The following KCNIP4 variants were observed in gnomAD, a reference collection of about 807,000 sequenced individuals.
KCNIP4 encodes potassium voltage-gated channel interacting protein 4, also known as Kv channel-interacting protein 4.
KCNIP4 carries 12 observed loss-of-function variants against 34.0 expected under a neutral mutation model. The ratio of observed to expected loss-of-function variants is 0.35; its 90% CI spans 0.23 to 0.57. The LOEUF (loss-of-function observed/expected upper bound fraction) is 0.57, where lower values mean the gene tolerates loss of function less well. Among genes scored for constraint, KCNIP4 ranks in the 20% least tolerant of loss-of-function variants. The probability of loss-of-function intolerance (pLI) is 0.83; values close to 1 mark genes in which losing one functional copy is unlikely to be tolerated. For missense variants in KCNIP4, 238 were observed against 311.7 expected, an observed-to-expected ratio of 0.76 and a Z score of 1.78; for synonymous variants, 124 against 102.2, an observed-to-expected ratio of 1.21 and a Z score of -1.29.
intron 3 of KCNIP4, among the ~76,000 whole-genome samples, chr4:20,843,094 T>G (rs28421858): frequency 0.018 from 2,800 of 151,790 alleles, 81 homozygotes; most frequent in African/African-American, 0.06. Context: ...TTTTAGTAGA[T>G]ATGGGGTTTC....
At chr4:20,802,220 C>CTATA (rs1290928466) in intron 3 of KCNIP4, among the ~76,000 whole-genome samples, 1 of 56,316 alleles carries the variant, frequency 1.8e-5, no homozygotes, top group East Asian at 8.9e-4. Flanking sequence ...TACATATATG[C>CTATA]TATACATATG....
intron 3 of KCNIP4, among the ~76,000 whole-genome samples, chr4:20,789,189 A>C (rs1712402306): frequency 6.6e-6 from 1 of 151,964 alleles, no homozygotes; most frequent in African/African-American, 2.4e-5. Context: ...CATGTTAAAA[A>C]CTCTATTGCT....
At chr4:21,141,561 A>G (rs1234520571) in intron 1 of KCNIP4, among the ~76,000 whole-genome samples, 2 of 152,210 alleles carry the variant, frequency 1.3e-5, no homozygotes, top group African/African-American at 4.8e-5. Flanking sequence ...TCTGTAGACA[A>G]TGAAATCCCT....
At chr4:20,889,043 G>C (rs545173629) in intron 1 of KCNIP4, among the ~76,000 whole-genome samples, 24 of 152,200 alleles carry the variant, frequency 1.6e-4, no homozygotes, top group African/African-American at 5.8e-4. Context: ...CCCATGTTTA[G>C]TCTTTCACCA....
intron 1 of KCNIP4, among the ~76,000 whole-genome samples, chr4:21,506,540 C>A (rs1291867092): frequency 6.6e-6 from 1 of 152,088 alleles, no homozygotes; most frequent in East Asian, 1.9e-4. Context: ...ACAAAACAAC[C>A]CTGGATATAT....
chr4:20,791,698 T>C (rs1278759628), intron 3 of KCNIP4, among the ~76,000 whole-genome samples: 1 of 152,206 alleles, frequency 6.6e-6, no homozygotes, highest in Admixed American at 6.5e-5. Flanking sequence ...TATGTTAAGT[T>C]TATATGTTAA....
At chr4:21,837,290 T>C (rs1723389013) in intron 1 of KCNIP4, among the ~76,000 whole-genome samples, 1 of 149,570 alleles carries the variant, frequency 6.7e-6, no homozygotes, top group South Asian at 2.1e-4. Context: ...TCCCAGCACT[T>C]TGGGGGGCCA....
At chr4:21,691,222 G>C (rs965129131) in intron 1 of KCNIP4, among the ~76,000 whole-genome samples, 2 of 152,186 alleles carry the variant, frequency 1.3e-5, no homozygotes, top group Non-Finnish European at 2.9e-5. Context: ...GACAATGGAA[G>C]CAGTAGCAGA....
intron 1 of KCNIP4, among the ~76,000 whole-genome samples, chr4:21,355,604 A>T (rs1718501287): frequency 6.6e-6 from 1 of 152,228 alleles, no homozygotes; most frequent in Admixed American, 6.5e-5. Context: ...TAAACCAGGA[A>T]GAAGTTGAAT....
At chr4:21,813,554 C>T (rs554248955) in intron 1 of KCNIP4, among the ~76,000 whole-genome samples, 1 of 151,894 alleles carries the variant, frequency 6.6e-6, no homozygotes, top group South Asian at 2.1e-4. Flanking sequence ...AATTTGAGGA[C>T]AAAGATCCAT....
intron 1 of KCNIP4, among the ~76,000 whole-genome samples, chr4:21,469,378 C>T (rs1730266973): frequency 6.6e-6 from 1 of 152,216 alleles, no homozygotes; most frequent in African/African-American, 2.4e-5. Flanking sequence ...ACCAATCCTC[C>T]CTTTTTAAAA....
intron 1 of KCNIP4, among the ~76,000 whole-genome samples, chr4:21,738,569 A>G (rs2109124417): frequency 6.6e-6 from 1 of 152,342 alleles, no homozygotes; most frequent in South Asian, 2.1e-4. Flanking sequence ...TGATAAATTA[A>G]GAATGTATTT....
intron 1 of KCNIP4, among the ~76,000 whole-genome samples, chr4:21,480,893 T>C (rs1731370121): frequency 6.6e-6 from 1 of 152,056 alleles, no homozygotes; most frequent in African/African-American, 2.4e-5. Flanking sequence ...CCAAACAAAA[T>C]CCCAAAGGAT....
intron 1 of KCNIP4, among the ~76,000 whole-genome samples, chr4:21,515,678 A>G (rs1443810626): frequency 6.6e-6 from 1 of 152,088 alleles, no homozygotes; most frequent in Non-Finnish European, 1.5e-5. Context: ...TTAGATCATA[A>G]AGGCTTCAGT....
At chr4:21,290,387 T>C (rs951231649) in intron 1 of KCNIP4, among the ~76,000 whole-genome samples, 13 of 152,188 alleles carry the variant, frequency 8.5e-5, no homozygotes, top group Non-Finnish European at 1.6e-4. Flanking sequence ...TATTCTTCTC[T>C]TTTTAAAATT....
At chr4:21,335,279 G>C (rs902159469) in intron 1 of KCNIP4, among the ~76,000 whole-genome samples, 13 of 94,080 alleles carry the variant, frequency 1.4e-4, no homozygotes, top group African/African-American at 7.4e-4. Context: ...GCTGCAACTA[G>C]ATGTTCTCTG....
At chr4:21,874,496 G>C (rs1018184228) in intron 1 of KCNIP4, among the ~76,000 whole-genome samples, 1 of 152,164 alleles carries the variant, frequency 6.6e-6, no homozygotes, top group Non-Finnish European at 1.5e-5. Flanking sequence ...CAGAGGGAGA[G>C]AGAATGGCTG....
chr4:21,160,042 G>A (rs1183558097), intron 1 of KCNIP4, among the ~76,000 whole-genome samples: 1 of 374 alleles, frequency 2.7e-3, no homozygotes, highest in Non-Finnish European at 4.4e-3. Context: ...CTCCCAGCAC[G>A]CAGCCGGAGA....
intron 1 of KCNIP4, among the ~76,000 whole-genome samples, chr4:21,551,884 A>G (rs1339539038): frequency 6.6e-6 from 1 of 152,072 alleles, no homozygotes; most frequent in Non-Finnish European, 1.5e-5. Flanking sequence ...ATACCAGTGA[A>G]GAGATGTTTA....
Sources: allele counts gnomAD v4.1 joint callset (sites outside exome capture counted in the v4.1 genomes callset), GRCh38; gene constraint gnomAD v4.1.1; transcripts MANE v1.5; gene names NCBI Gene and HGNC (gene_info 2026-07-23, HGNC 2026-07-21).